Variants in EFHC2 observed in about 807,000 individuals in gnomAD.
EFHC2 encodes the protein EF-hand domain containing 2.
Under a neutral mutation model 52.7 loss-of-function variants are expected in EFHC2, and 18 were observed. The observed-to-expected ratio is 0.34, with a 90% CI of 0.24 to 0.51. EFHC2 has a LOEUF of 0.51. EFHC2 is among the 20% of genes least tolerant of loss of function. The pLI, the probability that EFHC2 is intolerant of heterozygous loss-of-function variation, is 0.97. For synonymous variants in EFHC2, 203 were observed against 204.1 expected, an observed-to-expected ratio of 0.99 and a Z score of 0.04; for missense variants, 513 against 562.5, an observed-to-expected ratio of 0.91 and a Z score of 0.89.
chrX:44,188,379 TTTG>T (rs1404520204), intron 11 of EFHC2, among the ~76,000 whole-genome samples: 11 of 112,026 alleles, frequency 9.8e-5, no homozygotes, highest in Non-Finnish European at 1.5e-4. Context: ...CTTCCCCTTA[TTTG>T]TTAAGAAATA....
At chrX:44,338,706 CTTCTTT>C (rs2038131900) in intron 1 of EFHC2, among the ~76,000 whole-genome samples, 1 of 86,070 alleles carries the variant, frequency 1.2e-5, no homozygotes, top group Non-Finnish European at 2.2e-5. Flanking sequence ...ACCCCACTCT[CTTCTTT>C]TTCTTTTTTC....
chrX:44,252,927 G>C (rs1279411513), intron 4 of EFHC2, among the ~76,000 whole-genome samples: 3 of 110,746 alleles, frequency 2.7e-5, no homozygotes, highest in Non-Finnish European at 5.7e-5. Flanking sequence ...TCCAACTGAG[G>C]TATCCGGCTC....
At chrX:44,321,341 CA>C (rs1181379107) in intron 1 of EFHC2, among the ~76,000 whole-genome samples, 1 of 110,750 alleles carries the variant, frequency 9.0e-6, no homozygotes, top group Non-Finnish European at 1.9e-5. Flanking sequence ...TTCAAGATAC[CA>C]CTCAGACAAG....
At chrX:44,300,393 A>T (rs778461323) in intron 2 of EFHC2, among the ~76,000 whole-genome samples, 1 of 111,372 alleles carries the variant, frequency 9.0e-6, no homozygotes, top group East Asian at 2.8e-4. Context: ...CAGCACCTTG[A>T]CCTTGGACTT....
At chrX:44,323,108 T>A (rs760850201) in intron 1 of EFHC2, among the ~76,000 whole-genome samples, 1 of 112,346 alleles carries the variant, frequency 8.9e-6, no homozygotes, top group South Asian at 3.7e-4. Flanking sequence ...TCTCCACTTT[T>A]ATGACATTCT....
At chrX:44,223,382 T>A (rs904358917) in intron 11 of EFHC2, among the ~76,000 whole-genome samples, 3 of 112,459 alleles carry the variant, frequency 2.7e-5, no homozygotes, top group African/African-American at 9.7e-5. Context: ...ACAGAGGTCA[T>A]TTTCTCATCA....
intron 1 of EFHC2, among the ~76,000 whole-genome samples, chrX:44,338,598 C>T (rs1355244818): frequency 9.1e-6 from 1 of 109,712 alleles, no homozygotes; most frequent in Non-Finnish European, 1.9e-5. Context: ...TTAGTGCAGG[C>T]CAGTTCACAT....
At chrX:44,321,314 A>G (rs1365559023) in intron 1 of EFHC2, among the ~76,000 whole-genome samples, 1 of 111,094 alleles carries the variant, frequency 9.0e-6, no homozygotes, top group Non-Finnish European at 1.9e-5. Flanking sequence ...CCAGAATTCT[A>G]TTTTGGACAT....
At chrX:44,189,951 A>G (rs1602142560) in intron 11 of EFHC2, among the ~76,000 whole-genome samples, 1 of 111,449 alleles carries the variant, frequency 9.0e-6, no homozygotes, top group East Asian at 2.8e-4. Context: ...AGAGTGAGAA[A>G]GTCTGAAATA....
intron 3 of EFHC2, among the ~76,000 whole-genome samples, chrX:44,263,941 A>C (rs957311515): frequency 1.8e-5 from 2 of 112,043 alleles, no homozygotes; most frequent in African/African-American, 6.5e-5. Context: ...TGGCCCACCC[A>C]CTGGGCTTTT....
chrX:44,271,769 C>T lies in EFHC2; in HGVS notation c.382+917G>A, dbSNP rs144079649. ...CCTATAACTTCTAGCAGCTCTCTGCCAGAAAGTTCTTCCTCTTACTGACCT... is the reference window on the plus strand; with the variant it reads ...CCTATAACTTCTAGCAGCTCTCTGCTAGAAAGTTCTTCCTCTTACTGACCT... On this transcript the variant is annotated intron_variant, in intron 3 of 14. Coordinates refer to ENST00000420999, the MANE Select transcript of EFHC2 (RefSeq NM_025184.4). Among the ~76,000 whole-genome samples the T allele has an allele frequency of 6.4e-4, 71 of 111,153 alleles. 1 individual carries two copies. In the East Asian group the frequency reaches 0.018, roughly 28 times the overall value.
At chrX:44,152,472 C>T (rs1464979012) in intron 14 of EFHC2, among the ~76,000 whole-genome samples, 1 of 111,330 alleles carries the variant, frequency 9.0e-6, no homozygotes, top group Non-Finnish European at 1.9e-5. Context: ...CCTCACACTT[C>T]CAACAAGAAA....
At chrX:44,288,686 ATACTC>A in intron 2 of EFHC2, among the ~76,000 whole-genome samples, 1 of 112,230 alleles carries the variant, frequency 8.9e-6, no homozygotes, top group Non-Finnish European at 1.9e-5. Flanking sequence ...TTTGTTTTAA[ATACTC>A]AACTCAGACG....
intron 11 of EFHC2, among the ~76,000 whole-genome samples, chrX:44,185,940 A>G (rs1459115317): frequency 8.9e-6 from 1 of 112,357 alleles, no homozygotes; most frequent in African/African-American, 3.2e-5. Context: ...AAAAAGAAGT[A>G]CATCTGCAGT....
chrX:44,317,652 G>A (rs750357291), intron 1 of EFHC2, among the ~76,000 whole-genome samples: 87 of 112,651 alleles, frequency 7.7e-4, no homozygotes, highest in African/African-American at 9.0e-4. Flanking sequence ...CAGGCATGGC[G>A]GTGCATGCGT....
At chrX:44,300,708 C>T (rs1313845524) in intron 2 of EFHC2, among the ~76,000 whole-genome samples, 3 of 111,581 alleles carry the variant, frequency 2.7e-5, no homozygotes, top group Admixed American at 1.9e-4. Flanking sequence ...GCAGAAGTAA[C>T]GAATTAGCCA....
intron 2 of EFHC2, among the ~76,000 whole-genome samples, chrX:44,299,596 T>C (rs1362698365): frequency 8.9e-6 from 1 of 111,894 alleles, no homozygotes; most frequent in African/African-American, 3.2e-5. Flanking sequence ...CATATATTGA[T>C]TGATGTATTA....
chrX:44,257,279 G>A (rs1171447595), intron 4 of EFHC2, among the ~76,000 whole-genome samples: 3 of 111,722 alleles, frequency 2.7e-5, no homozygotes, highest in African/African-American at 9.8e-5. Context: ...ATTCAACATA[G>A]TATTGGAAGT....
intron 13 of EFHC2, among the ~76,000 whole-genome samples, chrX:44,170,012 G>A (rs1012070718): frequency 9.0e-6 from 1 of 111,618 alleles, no homozygotes; most frequent in African/African-American, 3.3e-5. Flanking sequence ...ATGGGTCTGG[G>A]GGGTGGAGAA....
Sources: gnomAD v4.1 joint callset for allele counts (sites outside exome capture counted in the v4.1 genomes callset) on GRCh38, gnomAD v4.1.1 for gene constraint, MANE v1.5 for transcripts, NCBI Gene and HGNC (gene_info 2026-07-23, HGNC 2026-07-21) for gene names.